PRIM2: variants seen among roughly 807,000 people sequenced by gnomAD.
PRIM2 encodes the protein DNA primase subunit 2, also known as DNA primase large subunit.
PRIM2 carries 39 observed loss-of-function variants against 67.3 expected under a neutral mutation model. The ratio of observed to expected loss-of-function variants is 0.58; its 90% CI spans 0.45 to 0.76. PRIM2 has a LOEUF of 0.76. Among genes scored for constraint, PRIM2 ranks in the 30% least tolerant of loss-of-function variants. PRIM2 has a pLI of 0.00. For missense variants in PRIM2, 398 were observed against 598.7 expected, an observed-to-expected ratio of 0.66 and a Z score of 3.50; for synonymous variants, 143 against 198.7, an observed-to-expected ratio of 0.72 and a Z score of 2.36.
In PRIM2 at chr6:57,601,192, A is replaced by G. The variant is rs1776457230; in HGVS notation, c.1120A>G (p.Asn374Asp). 1 of 1,610,406 alleles carries G rather than the reference A, an allele frequency of 6.2e-7. No individual in the cohort carries two copies. Among genetic ancestry groups the G allele is most frequent in the South Asian group, 1.1e-5 (1 of 90,370 alleles). ...PFSCLKIILS[N>D]PPSQGDYHGC... Reference sequence around the variant, plus strand: ...CAGTTGCCTGAAGATTATTCTGTCCAATCCACCAAGCCAAGGGGATTATCA... The same window carrying G: ...CAGTTGCCTGAAGATTATTCTGTCCGATCCACCAAGCCAAGGGGATTATCA... Residue 374 changes from asparagine (N) to aspartate (D), a missense_variant, in exon 11 of 14, where the codon AAT becomes GAT. This residue lies in a region of PRIM2 where 229 missense variants were observed against 383.6 expected (regional missense o/e 0.60). Coordinates refer to ENST00000615550, the MANE Select transcript of PRIM2 (RefSeq NM_000947.5).
chr6:57,318,401 C>T, intron 1 of PRIM2, 36 bp from the exon 2 acceptor site: 2 of 1,507,512 alleles, frequency 1.3e-6, no homozygotes, highest in Middle Eastern at 1.8e-4. Flanking sequence ...ACTTTGTTTT[C>T]CATCATTTTA....
the PRIM2 span, among the ~76,000 whole-genome samples, chr6:57,276,784 G>C: frequency 2.6e-5 from 4 of 151,756 alleles, no homozygotes; most frequent in Non-Finnish European, 5.9e-5. Context: ...ATGTATTTGG[G>C]GGGCTCAGGT....
At chr6:57,456,734 C>T (rs1480208649) in intron 7 of PRIM2, among the ~76,000 whole-genome samples, 1 of 152,052 alleles carries the variant, frequency 6.6e-6, no homozygotes, top group Non-Finnish European at 1.5e-5. Context: ...TGGGTTCGAA[C>T]TTCCTCCTGC....
At chr6:57,250,623 T>C in the PRIM2 span, among the ~76,000 whole-genome samples, 2 of 152,250 alleles carry the variant, frequency 1.3e-5, no homozygotes, top group Non-Finnish European at 2.9e-5. Flanking sequence ...TAGTTAGCCG[T>C]ATGAAAACAA....
chr6:57,638,664 C>T (rs1434130818), intron 13 of PRIM2, among the ~76,000 whole-genome samples: 130 of 148,442 alleles, frequency 8.8e-4, no homozygotes, highest in South Asian at 2.1e-3. Context: ...AAAAGAGAGA[C>T]GGGCATTACA....
At chr6:57,614,051 C>T (rs1460439676) in intron 12 of PRIM2, among the ~76,000 whole-genome samples, 441 of 152,212 alleles carry the variant, frequency 2.9e-3, no homozygotes, top group Non-Finnish European at 4.6e-3. Context: ...CCCTGGGCCA[C>T]GGACTGGTAC....
intron 7 of PRIM2, among the ~76,000 whole-genome samples, chr6:57,392,061 T>C (rs1013773756): frequency 6.6e-6 from 1 of 152,162 alleles, no homozygotes; most frequent in African/African-American, 2.4e-5. Context: ...AGCAGTATTT[T>C]GTAATTCTTA....
At chr6:57,240,188 G>A in the PRIM2 span, among the ~76,000 whole-genome samples, 2 of 141,966 alleles carry the variant, frequency 1.4e-5, no homozygotes, top group Non-Finnish European at 3.0e-5. Flanking sequence ...TGCAACCTCT[G>A]CCTCCCGGGT....
the PRIM2 span, among the ~76,000 whole-genome samples, chr6:57,305,565 T>G: frequency 6.6e-6 from 1 of 152,260 alleles, no homozygotes; most frequent in African/African-American, 2.4e-5. Context: ...GTGAAATAAC[T>G]ACGTCATTTT....
At chr6:57,564,985 T>C (rs1466674246) in intron 10 of PRIM2, among the ~76,000 whole-genome samples, 2 of 152,194 alleles carry the variant, frequency 1.3e-5, no homozygotes, top group Non-Finnish European at 2.9e-5. Context: ...GCCTGTGGAC[T>C]GGCCATAGTT....
At chr6:57,240,282 A>G in the PRIM2 span, among the ~76,000 whole-genome samples, 1 of 152,004 alleles carries the variant, frequency 6.6e-6, no homozygotes, top group Non-Finnish European at 1.5e-5. Flanking sequence ...TTGTATTTTT[A>G]GTAGAGATGG....
chr6:57,568,509 G>T (rs1198768244), intron 10 of PRIM2, among the ~76,000 whole-genome samples: 1 of 152,024 alleles, frequency 6.6e-6, no homozygotes, highest in East Asian at 1.9e-4. Flanking sequence ...AGTATTACTT[G>T]TTCACTACAT....
the PRIM2 span, among the ~76,000 whole-genome samples, chr6:57,234,397 G>C: frequency 1.3e-5 from 2 of 152,172 alleles, no homozygotes; most frequent in Non-Finnish European, 2.9e-5. Flanking sequence ...ATTCTCCAGC[G>C]TGTGAGATAT....
intron 7 of PRIM2, among the ~76,000 whole-genome samples, chr6:57,437,041 C>T (rs894416093): frequency 1.4e-4 from 22 of 152,138 alleles, no homozygotes; most frequent in African/African-American, 5.3e-4. Flanking sequence ...GTACAGGAAG[C>T]GTGGCAACAT....
At chr6:57,467,116 A>AAAG (rs1554344462) in intron 7 of PRIM2, among the ~76,000 whole-genome samples, 49 of 150,052 alleles carry the variant, frequency 3.3e-4, no homozygotes, top group African/African-American at 1.1e-3. Context: ...AAAAAAAAAA[A>AAAG]AAAAGAAAAG....
intron 10 of PRIM2, among the ~76,000 whole-genome samples, chr6:57,590,143 C>T (rs1163946114): frequency 0.017 from 2,658 of 152,260 alleles, 84 homozygotes; most frequent in African/African-American, 0.06. Flanking sequence ...AATCTGTCCT[C>T]ACTGTGATTC....
At chr6:57,581,231 A>C (rs1212635344) in intron 10 of PRIM2, among the ~76,000 whole-genome samples, 1 of 152,124 alleles carries the variant, frequency 6.6e-6, no homozygotes, top group Non-Finnish European at 1.5e-5. Flanking sequence ...TGAGCCAACT[A>C]TCTGGGACTA....
chr6:57,489,762 C>A (rs1468689238), intron 7 of PRIM2, among the ~76,000 whole-genome samples: 3 of 152,166 alleles, frequency 2.0e-5, no homozygotes, highest in Non-Finnish European at 4.4e-5. Flanking sequence ...GGAGAAACTA[C>A]AGAAGTAAGA....
chr6:57,573,628 A>G (rs1562794650), intron 10 of PRIM2, among the ~76,000 whole-genome samples: 1 of 152,142 alleles, frequency 6.6e-6, no homozygotes, highest in African/African-American at 2.4e-5. Flanking sequence ...GATTATATAT[A>G]CGTGTGTGTG....
Sources: allele counts gnomAD v4.1 joint callset (sites outside exome capture counted in the v4.1 genomes callset), GRCh38; gene constraint gnomAD v4.1.1; regional missense constraint gnomAD v4.1.1; transcripts MANE v1.5; gene names NCBI Gene and HGNC (gene_info 2026-07-23, HGNC 2026-07-21).